Variants in BCAS3 observed in about 807,000 individuals in gnomAD.
The protein encoded by BCAS3 is BCAS4/BCAS3 fusion.
In BCAS3, 53 loss-of-function variants were observed where a neutral mutation model predicts 116.1. That is an observed-to-expected ratio of 0.46 (90% CI 0.37 to 0.57). BCAS3 has a LOEUF of 0.57. BCAS3 is among the 20% of genes least tolerant of loss of function. BCAS3 has a pLI of 0.00. For synonymous variants in BCAS3, 391 were observed against 408.2 expected (o/e 0.96, Z 0.51); for missense variants, 917 against 1,165.4 (o/e 0.79, Z 3.10).
At chr17:61,002,800 A>G (rs767518928) in intron 15 of BCAS3, 2 of 152,110 alleles carry the variant, frequency 1.3e-5, no homozygotes, top group Non-Finnish European at 2.9e-5. Flanking sequence ...TTATCTGTAT[A>G]CTTTATAATA....
intron 22 of BCAS3, among the ~76,000 whole-genome samples, chr17:61,306,587 G>A (rs1023453846): frequency 1.3e-5 from 2 of 152,134 alleles, no homozygotes; most frequent in Non-Finnish European, 2.9e-5. Context: ...GACAAGTCTC[G>A]GCAATGTGAA....
chr17:60,867,345 ATCTGCCTGTCTT>A (rs2054696243), intron 7 of BCAS3, among the ~76,000 whole-genome samples: 1 of 152,024 alleles, frequency 6.6e-6, no homozygotes, highest in Non-Finnish European at 1.5e-5. Context: ...ACCTCAAGTG[ATCTGCCTGTCTT>A]GGCCTCCTAA....
At chr17:60,719,556 A>G (rs1488789409) in intron 5 of BCAS3, among the ~76,000 whole-genome samples, 29 of 152,208 alleles carry the variant, frequency 1.9e-4, no homozygotes, top group Non-Finnish European at 4.4e-5. Context: ...TCATTTTAGC[A>G]TTATACATTC....
chr17:60,853,196 A>G (rs2053331610), intron 7 of BCAS3, among the ~76,000 whole-genome samples: 1 of 152,264 alleles, frequency 6.6e-6, no homozygotes, highest in Non-Finnish European at 1.5e-5. Flanking sequence ...TGATAATTGT[A>G]CTGTATGATT....
intron 22 of BCAS3, among the ~76,000 whole-genome samples, chr17:61,170,467 T>C (rs1414703858): frequency 1.3e-5 from 2 of 151,812 alleles, no homozygotes; most frequent in African/African-American, 2.4e-5. Context: ...TAATTTTTTG[T>C]AGTTTTAGTA....
At chr17:61,314,040 G>C (rs1401902393) in intron 22 of BCAS3, among the ~76,000 whole-genome samples, 2 of 152,178 alleles carry the variant, frequency 1.3e-5, no homozygotes, top group Non-Finnish European at 2.9e-5. Context: ...TGGCATCTTA[G>C]GATAGTAGAA....
rs528480689 is a variant in BCAS3 at position 61,045,933 on chromosome 17, A to T, written c.2029+5041A>T. 6.6e-3 allele frequency among the ~76,000 whole-genome samples: 111 copies of T among 16,892 alleles called. 7 individuals are homozygous for T. Among genetic ancestry groups the T allele is most frequent in the African/African-American group, 0.045 (41 of 920 alleles). 11.1% of individuals were successfully genotyped at this position (16,892 alleles called of 152,430 possible). On this transcript the variant is annotated intron_variant, in intron 19 of 23. Coordinates refer to ENST00000407086, the MANE Select transcript of BCAS3 (RefSeq NM_017679.5). ...TATATTTATATATATAATATATATA[A>T]ATATATATATTATATATATAAATAT...
intron 10 of BCAS3, among the ~76,000 whole-genome samples, chr17:60,902,179 T>C (rs886441545): frequency 1.3e-5 from 2 of 152,236 alleles, no homozygotes; most frequent in Non-Finnish European, 2.9e-5. Flanking sequence ...TATGGCAAAA[T>C]CTTTTGTCTA....
intron 16 of BCAS3, among the ~76,000 whole-genome samples, chr17:61,030,183 A>G (rs1176452174): frequency 1.3e-5 from 2 of 152,084 alleles, no homozygotes; most frequent in Non-Finnish European, 2.9e-5. Flanking sequence ...AATATTGACT[A>G]TTCTTTTATG....
chr17:61,221,893 T>G (rs1235710045), intron 22 of BCAS3, among the ~76,000 whole-genome samples: 2 of 152,220 alleles, frequency 1.3e-5, no homozygotes, highest in African/African-American at 4.8e-5. Flanking sequence ...TGCCACAGTT[T>G]CCTCATTTGT....
intron 19 of BCAS3, among the ~76,000 whole-genome samples, chr17:61,045,703 C>G (rs888042047): frequency 1.4e-5 from 2 of 141,274 alleles, no homozygotes; most frequent in Admixed American, 7.6e-5. Context: ...GTAATTCCAG[C>G]TACTCGGAAG....
At chr17:60,896,637 AACT>A (rs2057530359) in intron 10 of BCAS3, among the ~76,000 whole-genome samples, 1 of 151,438 alleles carries the variant, frequency 6.6e-6, no homozygotes, top group South Asian at 2.1e-4. Context: ...ATATAAGTAT[AACT>A]ACCCCTGTTC....
chr17:60,818,001 T>C (rs2049592332), intron 7 of BCAS3, among the ~76,000 whole-genome samples: 1 of 151,916 alleles, frequency 6.6e-6, no homozygotes, highest in Admixed American at 6.6e-5. Flanking sequence ...TCTACAGACA[T>C]GCGCCACCAT....
At position 61,343,069 on chromosome 17, in the gene BCAS3, G is replaced by T. The variant is rs1480571205; in HGVS notation, c.2426-25258G>T. Among the ~76,000 whole-genome samples, 1 of 152,162 alleles carries T rather than the reference G, an allele frequency of 6.6e-6. No homozygotes were observed. Among genetic ancestry groups the T allele is most frequent in the Non-Finnish European group, 1.5e-5 (1 of 68,018 alleles). ...GCCCAGCCGAGATTTTCTTTTAAAG[G>T]AAGGTGAGAGAGTAACTTCTTGGCC... On this transcript the variant is annotated intron_variant, in intron 22 of 23. Coordinates refer to ENST00000407086, the MANE Select transcript of BCAS3 (RefSeq NM_017679.5). The surrounding 1 kb of genome is among the most constrained non-coding windows in gnomAD (Gnocchi z 5.5).
At chr17:60,857,467 G>A (rs1469525012) in intron 7 of BCAS3, among the ~76,000 whole-genome samples, 1 of 152,170 alleles carries the variant, frequency 6.6e-6, no homozygotes, top group African/African-American at 2.4e-5. Flanking sequence ...CATGAAGACT[G>A]TATTCTGTGT....
chr17:60,824,470 G>T (rs1439797308), intron 7 of BCAS3, among the ~76,000 whole-genome samples: 1 of 151,850 alleles, frequency 6.6e-6, no homozygotes, highest in Non-Finnish European at 1.5e-5. Context: ...ACATGTTCTC[G>T]TCTCCTTCCT....
chr17:61,261,138 TAAAG>T lies in BCAS3; in HGVS notation c.2426-107187_2426-107184del, dbSNP rs543113423. Among the ~76,000 whole-genome samples the T allele has an allele frequency of 1.5e-4, 23 of 152,160 alleles. 1 individual carries two copies. The highest frequency in any genetic ancestry group is 1.8e-4 in the Non-Finnish European group (12 of 68,020). Reference sequence around the variant, plus strand: ...AGACTGAGGTGCCCCCATCAGAATATAAAGAGTCAGAAACTTAAAACCAGACTAA... The same window carrying T: ...AGACTGAGGTGCCCCCATCAGAATATAGTCAGAAACTTAAAACCAGACTAA... On this transcript the variant is annotated intron_variant, in intron 22 of 23. Transcript: ENST00000407086. The surrounding 1 kb of genome is among the most constrained non-coding windows in gnomAD (Gnocchi z 4.4).
chr17:61,235,923 C>T lies in BCAS3; in HGVS notation c.2426-132404C>T, dbSNP rs1024338852. On this transcript the variant is annotated intron_variant, in intron 22 of 23. Coordinates refer to ENST00000407086, the MANE Select transcript of BCAS3 (RefSeq NM_017679.5). The surrounding 1 kb of genome is among the most constrained non-coding windows in gnomAD (Gnocchi z 5.0). Reference sequence around the variant, plus strand: ...ACCCAGAGGCGAATGCTAGCCTGTGCTGTTTTTGAACATACTCAAACAAAG... The same window carrying T: ...ACCCAGAGGCGAATGCTAGCCTGTGTTGTTTTTGAACATACTCAAACAAAG... Among the ~76,000 whole-genome samples, 3 of 152,148 alleles carry T rather than the reference C, an allele frequency of 2.0e-5. No individual in the cohort carries two copies. The highest frequency in any genetic ancestry group is 4.4e-5 in the Non-Finnish European group (3 of 68,024).
At chr17:60,948,286 T>C (rs1364565319) in intron 14 of BCAS3, among the ~76,000 whole-genome samples, 1 of 152,016 alleles carries the variant, frequency 6.6e-6, no homozygotes, top group Non-Finnish European at 1.5e-5. Context: ...TTTTTGCATT[T>C]TTAGTAGAGA....
Sources: allele counts gnomAD v4.1 joint callset (sites outside exome capture counted in the v4.1 genomes callset), GRCh38; gene constraint gnomAD v4.1.1; non-coding constraint Gnocchi (gnomAD v3.1); transcripts MANE v1.5; gene names NCBI Gene and HGNC (gene_info 2026-07-23, HGNC 2026-07-21).